The following WWOX variants were observed in gnomAD, a reference collection of about 807,000 sequenced individuals.
The protein encoded by WWOX is WW domain containing oxidoreductase.
WWOX carries 69 observed loss-of-function variants against 46.2 expected under a neutral mutation model. The ratio of observed to expected loss-of-function variants is 1.49; its 90% CI spans 1.23 to 1.82. The LOEUF is 1.82. WWOX is among the 40% of genes most tolerant of loss of function. WWOX has a pLI of 0.00. For missense variants in WWOX, 919 were observed against 542.6 expected (o/e 1.69, Z -6.89); for synonymous variants, 359 against 202.6 (o/e 1.77, Z -6.56).
chr16:79,092,633 T>A (rs1405465024), intron 8 of WWOX, among the ~76,000 whole-genome samples: 1 of 152,162 alleles, frequency 6.6e-6, no homozygotes, highest in Non-Finnish European at 1.5e-5. Context: ...AACCCCTTTT[T>A]CCAGTAAAAG....
At chr16:79,155,567 G>A (rs1302073058) in intron 8 of WWOX, among the ~76,000 whole-genome samples, 2 of 152,124 alleles carry the variant, frequency 1.3e-5, no homozygotes, top group African/African-American at 4.8e-5. Flanking sequence ...ATGGTTGGCT[G>A]GATTTGGCCA....
intron 5 of WWOX, among the ~76,000 whole-genome samples, chr16:78,261,801 T>TAC (rs2079247307): frequency 8.1e-6 from 1 of 123,280 alleles, no homozygotes. Flanking sequence ...TATATATATA[T>TAC]ATATATATAT....
intron 8 of WWOX, among the ~76,000 whole-genome samples, chr16:78,462,818 C>T (rs569781249): frequency 2.0e-5 from 3 of 152,202 alleles, no homozygotes; most frequent in South Asian, 2.1e-4. Context: ...AACGAGGCAG[C>T]GGGCACTGGG....
chr16:78,225,144 A>G (rs1176495287), intron 5 of WWOX, among the ~76,000 whole-genome samples: 3 of 152,198 alleles, frequency 2.0e-5, no homozygotes, highest in African/African-American at 7.2e-5. Context: ...TGGATAGCCT[A>G]CTACACATCC....
chr16:78,410,353 C>T (rs77095293), intron 6 of WWOX, among the ~76,000 whole-genome samples: 4 of 152,190 alleles, frequency 2.6e-5, no homozygotes, highest in Admixed American at 2.6e-4. Context: ...TGCAGCATGT[C>T]TTTTACCATG....
intron 1 of WWOX, among the ~76,000 whole-genome samples, chr16:78,105,621 T>C (rs541625627): frequency 6.6e-6 from 1 of 152,128 alleles, no homozygotes; most frequent in Non-Finnish European, 1.5e-5. Context: ...TGAGTGAGTT[T>C]TGTAGTTCCT....
intron 5 of WWOX, among the ~76,000 whole-genome samples, chr16:78,164,811 G>A (rs1408192020): frequency 1.3e-5 from 2 of 152,182 alleles, no homozygotes; most frequent in Admixed American, 6.5e-5. Context: ...AGGAAAAATA[G>A]ACCATAATCA....
At chr16:79,047,660 G>A (rs950502037) in intron 8 of WWOX, among the ~76,000 whole-genome samples, 1 of 144,558 alleles carries the variant, frequency 6.9e-6, no homozygotes, top group South Asian at 2.3e-4. Flanking sequence ...ACTTTCTCCT[G>A]AGACTGTCCT....
intron 8 of WWOX, among the ~76,000 whole-genome samples, chr16:78,541,123 A>G (rs1282732079): frequency 6.6e-6 from 1 of 152,170 alleles, no homozygotes; most frequent in Non-Finnish European, 1.5e-5. Context: ...TTTATTTTAA[A>G]CGTGAAAAGC....
chr16:79,164,998 TCC>T (rs1363188254), intron 8 of WWOX, among the ~76,000 whole-genome samples: 3 of 152,152 alleles, frequency 2.0e-5, no homozygotes, highest in African/African-American at 7.2e-5. Flanking sequence ...TGTAAAATGT[TCC>T]ACACCCTTAT....
At chr16:78,504,356 C>T (rs2085141134) in intron 8 of WWOX, among the ~76,000 whole-genome samples, 1 of 152,200 alleles carries the variant, frequency 6.6e-6, no homozygotes, top group Admixed American at 6.5e-5. Context: ...AAGGTACTTT[C>T]TGAGATTCAC....
chr16:78,406,626 AT>A lies in WWOX; in HGVS notation c.606-18228del, dbSNP rs545938474. Among the ~76,000 whole-genome samples the A allele has an allele frequency of 7.4e-3, 954 of 129,270 alleles. 6 individuals carry two copies. Among genetic ancestry groups the A allele is most frequent in the African/African-American group, 0.018 (620 of 34,842 alleles). 84.8% of individuals were successfully genotyped at this position (129,270 alleles called of 152,430 possible). ...GGCCTTCCAAAGTGCTGGGATATAC[AT>A]TTTTTTTTTTTTTTTGAGAGATGGA... On this transcript the variant is annotated intron_variant, in intron 6 of 8. Transcript: ENST00000566780.
intron 8 of WWOX, chr16:79,101,322 G>T (rs922819578): frequency 2.6e-5 from 4 of 152,166 alleles, no homozygotes; most frequent in African/African-American, 7.2e-5. Flanking sequence ...AACTCTGCTG[G>T]TCTCTCTGCT....
chr16:78,491,099 C>A (rs188570384), intron 8 of WWOX, among the ~76,000 whole-genome samples: 1 of 152,162 alleles, frequency 6.6e-6, no homozygotes, highest in Non-Finnish European at 1.5e-5. Context: ...GCCCTCTCCC[C>A]GAGGCTGCCT....
chr16:78,975,339 C>G (rs1380749549), intron 8 of WWOX, among the ~76,000 whole-genome samples: 1 of 151,984 alleles, frequency 6.6e-6, no homozygotes, highest in African/African-American at 2.4e-5. Context: ...GGGGTAGAGG[C>G]CGGGGATAGT....
intron 8 of WWOX, among the ~76,000 whole-genome samples, chr16:78,948,830 A>T (rs1413409073): frequency 6.6e-6 from 1 of 152,164 alleles, no homozygotes; most frequent in African/African-American, 2.4e-5. Context: ...TAGAATAGGA[A>T]GGTTATCCTG....
At chr16:78,526,648 A>T (rs2043476518) in intron 8 of WWOX, 1 of 152,184 alleles carries the variant, frequency 6.6e-6, no homozygotes, top group South Asian at 2.1e-4. Context: ...TCTCTCAGTC[A>T]CCAGCCCCAA....
intron 8 of WWOX, among the ~76,000 whole-genome samples, chr16:78,520,042 C>A (rs1266845868): frequency 6.6e-6 from 1 of 152,102 alleles, no homozygotes; most frequent in Non-Finnish European, 1.5e-5. Flanking sequence ...CAGTCATTTC[C>A]CAGATGGAAC....
intron 8 of WWOX, among the ~76,000 whole-genome samples, chr16:78,942,449 A>G (rs1402381229): frequency 1.3e-5 from 2 of 152,200 alleles, no homozygotes; most frequent in African/African-American, 4.8e-5. Flanking sequence ...CAGTTTGAAG[A>G]TAAGTCTGTT....
Sources: gnomAD v4.1 joint callset for allele counts (sites outside exome capture counted in the v4.1 genomes callset) on GRCh38, gnomAD v4.1.1 for gene constraint, MANE v1.5 for transcripts, NCBI Gene and HGNC (gene_info 2026-07-23, HGNC 2026-07-21) for gene names.